The following PCGF3 variants were observed in gnomAD, a reference collection of about 807,000 sequenced individuals.
The protein encoded by PCGF3 is polycomb group ring finger 3.
In PCGF3, 7 loss-of-function variants were observed where a neutral mutation model predicts 33.1. The observed-to-expected ratio is 0.21, with a 90% CI of 0.12 to 0.40. The LOEUF (loss-of-function observed/expected upper bound fraction) is 0.40, where lower values mean the gene tolerates loss of function less well. PCGF3 is among the 10% of genes least tolerant of loss of function. The pLI is 1.00. For synonymous variants in PCGF3, 153 were observed against 121.3 expected (o/e 1.26, Z -1.72); for missense variants, 211 against 313.3 (o/e 0.67, Z 2.46).
intron 8 of PCGF3, chr4:757,492 T>A (rs1399022046): frequency 6.6e-6 from 1 of 152,314 alleles, no homozygotes; most frequent in Non-Finnish European, 1.5e-5. Context: ...AAGCTCTATT[T>A]CTTAAAGTCC....
intron 1 of PCGF3, among the ~76,000 whole-genome samples, chr4:714,666 C>T (rs907056732): frequency 2.0e-4 from 30 of 152,282 alleles, no homozygotes; most frequent in African/African-American, 7.2e-4. Flanking sequence ...TCTCCCTGTC[C>T]GTGGACCGGG....
At chr4:764,035 C>T (rs781358241) in intron 9 of PCGF3, among the ~76,000 whole-genome samples, 2 of 152,146 alleles carry the variant, frequency 1.3e-5, no homozygotes, top group Non-Finnish European at 2.9e-5. Context: ...GCTGCAGGGG[C>T]TTGAGGAGGG....
chr4:766,018 C>T lies in PCGF3; in HGVS notation c.682-14C>T. 2 of 1,613,708 alleles carry T rather than the reference C, an allele frequency of 1.2e-6. No homozygotes were observed. Among genetic ancestry groups the T allele is most frequent in the Non-Finnish European group, 1.7e-6 (2 of 1,179,608 alleles). ...CCCTGCTAAGCAGGCACTGTGCGTT[C>T]TTGTGTCTTCCAGAAGGCGCCGCTC... On this transcript the variant is annotated splice_polypyrimidine_tract_variant and intron_variant, in intron 10 of 10. Coordinates refer to ENST00000362003, the Ensembl canonical transcript of PCGF3.
intron 1 of PCGF3, among the ~76,000 whole-genome samples, chr4:712,421 GTGTT>G (rs139555420): frequency 4.8e-4 from 73 of 152,088 alleles, no homozygotes; most frequent in Middle Eastern, 3.4e-3. Flanking sequence ...TCTAATATTC[GTGTT>G]TGTTTGTTTG....
In PCGF3 at chr4:722,673, CTGGGT is replaced by C. The variant is rs1239339363; in HGVS notation, c.-189-7956_-189-7952del. Among the ~76,000 whole-genome samples the C allele has an allele frequency of 5.2e-3, 657 of 126,932 alleles. 64 individuals are homozygous for C. The highest frequency in any genetic ancestry group is 9.8e-3 in the East Asian group (40 of 4,078). 83.3% of individuals were successfully genotyped at this position (126,932 alleles called of 152,430 possible). A position where few individuals can be genotyped will look rare whatever the true frequency, so the allele number is the denominator to read the frequency against. On this transcript the variant is annotated intron_variant, in intron 1 of 10. Transcript: ENST00000362003. ...ACACTCGCGTCATCACCTGTCTGCG[CTGGGT>C]CCACACTCGCGTCATCACCTGTCTG...
In PCGF3 at chr4:765,106, C is replaced by T. The variant is rs778103778; in HGVS notation, c.681+42C>T. The T allele has an allele frequency of 1.8e-5, 25 of 1,381,596 alleles. No homozygotes were observed. The Admixed American group carries it at 2.4e-4, about 13-fold the overall frequency. The allele number at this position is 1,381,596 out of a possible 1,614,324, so 85.6% of individuals were successfully genotyped here. On this transcript the variant is annotated intron_variant, in intron 10 of 10. Transcript: ENST00000362003. ...GATTTTCAGAGTCTGCTCTGAATGG[C>T]AGTGACTTTGCTGTGCATCTCTTAT...
At chr4:725,260 G>T (rs1452709528) in intron 1 of PCGF3, 1 of 152,898 alleles carries the variant, frequency 6.5e-6, no homozygotes, top group East Asian at 1.9e-4. Context: ...GCCGCGCTGT[G>T]AGGGGTGTAC....
At chr4:727,621 T>C (rs1743386130) in intron 1 of PCGF3, among the ~76,000 whole-genome samples, 1 of 152,158 alleles carries the variant, frequency 6.6e-6, no homozygotes, top group Non-Finnish European at 1.5e-5. Flanking sequence ...ATCATGTGAT[T>C]TTTCTCCTTG....
chr4:712,818 T>C (rs1196723532), intron 1 of PCGF3, among the ~76,000 whole-genome samples: 2 of 152,254 alleles, frequency 1.3e-5, no homozygotes, highest in South Asian at 2.1e-4. Context: ...TTTTTTCAAA[T>C]TCATTGATAT....
exon 3 of PCGF3, chr4:731,019 C>T (rs1464499004): frequency 1.0e-5 from 4 of 398,488 alleles, no homozygotes; most frequent in Non-Finnish European, 1.8e-5. Context: ...AGCGAGTCCG[C>T]GTGCGGAGCC....
chr4:742,032 C>G (rs1744114485), intron 6 of PCGF3, among the ~76,000 whole-genome samples: 2 of 152,156 alleles, frequency 1.3e-5, no homozygotes, highest in Admixed American at 6.5e-5. Flanking sequence ...ATTCTCCAGG[C>G]TAATCTTTCA....
At chr4:762,014 A>G in intron 9 of PCGF3, 1 of 985,274 alleles carries the variant, frequency 1.0e-6, no homozygotes. Flanking sequence ...AGGAGAGGCC[A>G]GCGCCAGGAG....
intron 6 of PCGF3, among the ~76,000 whole-genome samples, chr4:739,732 TGTTA>T (rs1180375553): frequency 2.0e-5 from 3 of 152,240 alleles, no homozygotes; most frequent in East Asian, 1.9e-4. Flanking sequence ...CGTCTCCACG[TGTTA>T]GTTGGAGTGT....
intron 1 of PCGF3, among the ~76,000 whole-genome samples, chr4:713,238 G>C: frequency 1.2e-5 from 1 of 80,936 alleles, no homozygotes; most frequent in African/African-American, 3.8e-5. Context: ...GTCCTGTGTG[G>C]CCTGGTGGGG....
intron 8 of PCGF3, among the ~76,000 whole-genome samples, chr4:758,708 T>TGC (rs1744907197): frequency 3.8e-5 from 1 of 26,070 alleles, no homozygotes; most frequent in Non-Finnish European, 9.2e-5. Context: ...GTTCTTCTCC[T>TGC]TCCGGACTCC....
chr4:714,269 A>G (rs1742708770), intron 1 of PCGF3, among the ~76,000 whole-genome samples: 2 of 152,178 alleles, frequency 1.3e-5, no homozygotes, highest in Non-Finnish European at 2.9e-5. Context: ...CTTCGGTCGC[A>G]GCCGCCTGAA....
chr4:717,377 C>CT (rs954324688), intron 1 of PCGF3, among the ~76,000 whole-genome samples: 2 of 152,196 alleles, frequency 1.3e-5, no homozygotes, highest in African/African-American at 4.8e-5. Flanking sequence ...CCTGTGGACA[C>CT]TGTGAGTGTG....
chr4:734,935 C>T (rs766369872), exon 5 of PCGF3: 2 of 1,613,310 alleles, frequency 1.2e-6, no homozygotes, highest in Non-Finnish European at 1.7e-6. Flanking sequence ...TGACAGTCTG[C>T]AGGAGCTGCC....
intron 8 of PCGF3, among the ~76,000 whole-genome samples, chr4:753,525 G>A (rs899677781): frequency 6.6e-6 from 1 of 152,070 alleles, no homozygotes; most frequent in Non-Finnish European, 1.5e-5. Flanking sequence ...GTGGTCGTGG[G>A]CACCTGTACT....
Sources: gnomAD v4.1 joint callset for allele counts (sites outside exome capture counted in the v4.1 genomes callset) on GRCh38, gnomAD v4.1.1 for gene constraint, MANE v1.5 for transcripts, NCBI Gene and HGNC (gene_info 2026-07-23, HGNC 2026-07-21) for gene names.